Variants in OPA3 observed in about 807,000 individuals in gnomAD.
OPA3 encodes outer mitochondrial membrane lipid metabolism regulator OPA3.
OPA3 carries 6 observed loss-of-function variants against 4.0 expected under a neutral mutation model. That is an observed-to-expected ratio of 1.51 (90% CI 0.83 to 2.99). The LOEUF is 2.99. Ranked by LOEUF, OPA3 falls within the 30% of genes most tolerant of loss-of-function variation. The pLI is 0.00. For missense variants in OPA3, 235 were observed against 256.2 expected (o/e 0.92, Z 0.56); for synonymous variants, 105 against 117.1 (o/e 0.90, Z 0.67).
At chr19:45,530,005 A>G (rs1599947769) in intron 1 of OPA3, among the ~76,000 whole-genome samples, 2 of 152,114 alleles carry the variant, frequency 1.3e-5, no homozygotes, top group African/African-American at 4.8e-5. Flanking sequence ...AAGTGCTGGG[A>G]CTGCAGGTGT....
At chr19:45,529,349 G>A (rs1228643445) in exon 2 of OPA3, 9 of 1,614,224 alleles carry the variant, frequency 5.6e-6, no homozygotes, top group Admixed American at 3.3e-5. Context: ...CCCTCGCCCA[G>A]CAGCTCCGCG....
chr19:45,570,065 C>T (rs1969638556), intron 1 of OPA3, among the ~76,000 whole-genome samples: 1 of 152,200 alleles, frequency 6.6e-6, no homozygotes, highest in Non-Finnish European at 1.5e-5. Context: ...CAGGCAGGCG[C>T]CATCCCCAGG....
At chr19:45,558,114 A>C (rs1039045246) in intron 1 of OPA3, among the ~76,000 whole-genome samples, 2 of 152,064 alleles carry the variant, frequency 1.3e-5, no homozygotes, top group African/African-American at 4.8e-5. Context: ...CAGGCAGATC[A>C]TGAGGTAAGG....
At chr19:45,568,223 T>C (rs1229581359) in intron 1 of OPA3, among the ~76,000 whole-genome samples, 1 of 152,120 alleles carries the variant, frequency 6.6e-6, no homozygotes, top group South Asian at 2.1e-4. Context: ...AGAGTCTTGC[T>C]CTGCCACCTA....
intron 1 of OPA3, among the ~76,000 whole-genome samples, chr19:45,555,321 AAAG>A (rs1423630331): frequency 2.0e-5 from 3 of 152,072 alleles, no homozygotes; most frequent in African/African-American, 7.2e-5. Context: ...TCTGACTGAA[AAAG>A]AAGAGCTTGT....
chr19:45,547,503 T>C lies in OPA3; in HGVS notation c.*6011A>G, dbSNP rs574184134. 3.9e-5 allele frequency: 6 copies of C among 152,314 alleles called. No individual in the cohort carries two copies. Among genetic ancestry groups the C allele is most frequent in the South Asian group, 4.1e-4 (2 of 4,832 alleles). The allele number at this position is 152,314 out of a possible 1,614,324, so 9.4% of individuals were successfully genotyped here. A position where few individuals can be genotyped will look rare whatever the true frequency, so the allele number is the denominator to read the frequency against. The stretch of plus-strand genomic sequence containing the variant: ...CTCTATTCTGACAGCCAGAAACTCT[T>C]GCTGTTCCAGGAACAGGCCAAGGCC... On this transcript the variant is annotated 3_prime_UTR_variant, in exon 2 of 2. Coordinates refer to ENST00000263275, the MANE Select transcript of OPA3 (RefSeq NM_025136.4).
Position 45,549,362 on chromosome 19 carries a change from TCAGGG to T in OPA3, c.*4147_*4151del, listed in dbSNP as rs68079762. On this transcript the variant is annotated 3_prime_UTR_variant, in exon 2 of 2. Transcript: ENST00000263275. ...GCTGCCCACGATGACTGGCTGCCTG[TCAGGG>T]CAGGGCAGGGCAGGGCTGAGTGCGA... 638,719 of 983,838 alleles carry T rather than the reference TCAGGG, an allele frequency of 0.65. 208,419 individuals are homozygous for T. The highest frequency in any genetic ancestry group is 0.87 in the East Asian group (7,568 of 8,688). The allele number at this position is 983,838 out of a possible 1,614,324, so 60.9% of individuals were successfully genotyped here. A position where few individuals can be genotyped will look rare whatever the true frequency, so the allele number is the denominator to read the frequency against.
Position 45,564,868 on chromosome 19 carries a change from A to T in OPA3, c.143-10957T>A, listed in dbSNP as rs548015684. ...TTTTATGCTCAAATGTCCTATCATAAGTCTCTGAAACAAAAATGTATCTAT... is the reference window on the plus strand; with the variant it reads ...TTTTATGCTCAAATGTCCTATCATATGTCTCTGAAACAAAAATGTATCTAT... On this transcript the variant is annotated intron_variant, in intron 1 of 1. Coordinates refer to ENST00000263275, the MANE Select transcript of OPA3 (RefSeq NM_025136.4). Among the ~76,000 whole-genome samples, 3 of 152,304 alleles carry T rather than the reference A, an allele frequency of 2.0e-5. No individual in the cohort carries two copies. The East Asian group carries it at 5.8e-4, about 29-fold the overall frequency.
At chr19:45,532,949 T>C (rs1433567101) in intron 1 of OPA3, among the ~76,000 whole-genome samples, 1 of 152,152 alleles carries the variant, frequency 6.6e-6, no homozygotes, top group Non-Finnish European at 1.5e-5. Context: ...TGGAGTGCGA[T>C]GACACCATCT....
At chr19:45,562,814 T>A (rs1969525102) in intron 1 of OPA3, among the ~76,000 whole-genome samples, 1 of 152,230 alleles carries the variant, frequency 6.6e-6, no homozygotes. Context: ...CTGCAGGCTT[T>A]ATACCAGTGT....
Position 45,574,822 on chromosome 19 carries a change from C to T in OPA3, c.142+9801G>A, listed in dbSNP as rs574163319. 2.0e-4 allele frequency among the ~76,000 whole-genome samples: 31 copies of T among 152,290 alleles called. 1 individual carries two copies. The highest frequency in any genetic ancestry group is 1.6e-3 in the Admixed American group (25 of 15,286). Reference sequence around the variant, plus strand: ...GCCCTTAAATAACCTGCAGCTTCTGCTTCTTCCCTCATGAAAATCTGGCTG... The same window carrying T: ...GCCCTTAAATAACCTGCAGCTTCTGTTTCTTCCCTCATGAAAATCTGGCTG... On this transcript the variant is annotated intron_variant, in intron 1 of 1. Coordinates refer to ENST00000263275, the MANE Select transcript of OPA3 (RefSeq NM_025136.4).
intron 1 of OPA3, among the ~76,000 whole-genome samples, chr19:45,563,491 C>G (rs1419248351): frequency 1.3e-5 from 2 of 151,842 alleles, no homozygotes; most frequent in Admixed American, 6.6e-5. Context: ...GAGAGACCCT[C>G]TGACACTATA....
intron 1 of OPA3, among the ~76,000 whole-genome samples, chr19:45,575,633 G>T (rs1483531937): frequency 2.6e-5 from 4 of 152,174 alleles, no homozygotes; most frequent in African/African-American, 7.2e-5. Flanking sequence ...TTGAGACAGG[G>T]TCTTGCTCTG....
exon 2 of OPA3, chr19:45,529,393 T>C (rs1417324203): frequency 3.7e-6 from 6 of 1,614,218 alleles, no homozygotes; most frequent in Non-Finnish European, 5.1e-6. Flanking sequence ...GTTCAGCGGC[T>C]TGATGGCAGC....
chr19:45,583,498 C>T (rs28472284), intron 1 of OPA3, among the ~76,000 whole-genome samples: 4,273 of 151,120 alleles, frequency 0.028, 193 homozygotes, highest in African/African-American at 0.097. Flanking sequence ...TTACTAAGCC[C>T]TTTATTTCTA....
chr19:45,529,185 C>T lies in OPA3; in HGVS notation c.414G>A (p.Ala138=), dbSNP rs566450630. The stretch of plus-strand genomic sequence containing the variant: ...GCTGCGTCGACGTCGCCTGCACCTG[C>T]GCCTGCAACTCCTCGAGCGCCAGCC... The change falls in exon 2 of 2, where the codon GCG becomes GCA. Residue 138 remains alanine, a synonymous_variant. Transcript: ENST00000323060. The T allele has an allele frequency of 1.1e-4, 177 of 1,610,580 alleles. No homozygotes were observed. In the South Asian group the frequency reaches 1.8e-3, roughly 17 times the overall value.
intron 1 of OPA3, among the ~76,000 whole-genome samples, chr19:45,536,303 G>C (rs1215458403): frequency 4.7e-5 from 7 of 148,252 alleles, no homozygotes; most frequent in Non-Finnish European, 1.0e-4. Context: ...CAGCACTCTG[G>C]GAGGCTGAGG....
Position 45,552,639 on chromosome 19 carries a change from C to T in OPA3, c.*875G>A, listed in dbSNP as rs1371477014. ...CAAGCAATTCTCCTGCCTCAGCCTCCCAAGTAGCTAGGATTACAGGCACCC... is the reference window on the plus strand; with the variant it reads ...CAAGCAATTCTCCTGCCTCAGCCTCTCAAGTAGCTAGGATTACAGGCACCC... On this transcript the variant is annotated 3_prime_UTR_variant, in exon 2 of 2. Coordinates refer to ENST00000263275, the MANE Select transcript of OPA3 (RefSeq NM_025136.4). 6.6e-6 allele frequency: 1 copy of T among 152,272 alleles called. No individual in the cohort carries two copies. The highest frequency in any genetic ancestry group is 6.6e-5 in the Admixed American group (1 of 15,232). The allele number at this position is 152,272 out of a possible 1,614,324, so 9.4% of individuals were successfully genotyped here.
intron 1 of OPA3, among the ~76,000 whole-genome samples, chr19:45,569,407 C>T (rs1969628821): frequency 6.6e-6 from 1 of 152,072 alleles, no homozygotes; most frequent in Admixed American, 6.5e-5. Context: ...TGTAGTGAGC[C>T]GAGATCGCGC....
Sources: allele counts gnomAD v4.1 joint callset (sites outside exome capture counted in the v4.1 genomes callset), GRCh38; gene constraint gnomAD v4.1.1; transcripts MANE v1.5; gene names NCBI Gene and HGNC (gene_info 2026-07-23, HGNC 2026-07-21).